Variants in KLF8 observed in about 807,000 individuals in gnomAD.
KLF8 encodes the protein KLF transcription factor 8.
KLF8 carries 10 observed loss-of-function variants against 18.2 expected under a neutral mutation model. That is an observed-to-expected ratio of 0.55 (90% CI 0.34 to 0.93). The LOEUF (loss-of-function observed/expected upper bound fraction) is 0.93. Among genes scored for constraint, KLF8 ranks in the 40% least tolerant of loss-of-function variants. The probability of loss-of-function intolerance (pLI) is 0.02; values close to 1 mark genes in which losing one functional copy is unlikely to be tolerated. For synonymous variants in KLF8, 109 were observed against 97.3 expected (o/e 1.12, Z -0.71); for missense variants, 264 against 277.9 (o/e 0.95, Z 0.36).
the KLF8 span, among the ~76,000 whole-genome samples, chrX:56,158,898 C>G: frequency 9.0e-6 from 1 of 111,267 alleles, no homozygotes; most frequent in African/African-American, 3.3e-5. Context: ...TGCCTGATTG[C>G]CCTGGCCAGA....
At chrX:55,919,126 G>T in the KLF8 span, among the ~76,000 whole-genome samples, 1 of 112,041 alleles carries the variant, frequency 8.9e-6, no homozygotes, top group Admixed American at 9.4e-5. Context: ...GCGTAAGGAA[G>T]GATGAGACTC....
chrX:56,153,956 C>G, the KLF8 span, among the ~76,000 whole-genome samples: 4 of 111,636 alleles, frequency 3.6e-5, no homozygotes, highest in Middle Eastern at 4.6e-3. Context: ...GAAGAACATT[C>G]CATGCTCATG....
the KLF8 span, among the ~76,000 whole-genome samples, chrX:56,021,006 T>C: frequency 8.9e-6 from 1 of 112,322 alleles, no homozygotes; most frequent in African/African-American, 3.2e-5. Flanking sequence ...TCTGATTTGC[T>C]GATATTTATT....
chrX:55,980,811 G>A, the KLF8 span, among the ~76,000 whole-genome samples: 1 of 112,180 alleles, frequency 8.9e-6, no homozygotes, highest in Non-Finnish European at 1.9e-5. Flanking sequence ...TAATAAGTGT[G>A]CGAACTGTTA....
At chrX:56,073,230 G>A in the KLF8 span, among the ~76,000 whole-genome samples, 1 of 111,237 alleles carries the variant, frequency 9.0e-6, no homozygotes, top group Middle Eastern at 4.6e-3. Context: ...CTCGTGATCC[G>A]ACCGCCTCAG....
chrX:55,938,615 G>A, the KLF8 span, among the ~76,000 whole-genome samples: 2 of 111,016 alleles, frequency 1.8e-5, no homozygotes, highest in South Asian at 3.9e-4. Context: ...TCAGTGTGCT[G>A]TATTCAGGAA....
the KLF8 span, among the ~76,000 whole-genome samples, chrX:56,075,996 C>A: frequency 7.8e-5 from 3 of 38,595 alleles, no homozygotes; most frequent in Non-Finnish European, 1.5e-4. Flanking sequence ...GTGTGATGTT[C>A]CCCTTCCTAT....
intron 1 of KLF8, among the ~76,000 whole-genome samples, chrX:56,248,180 G>C (rs1156755178): frequency 1.8e-5 from 2 of 110,159 alleles, no homozygotes; most frequent in Non-Finnish European, 3.8e-5. Context: ...GAGAGCGGAG[G>C]GATAGCATTA....
At chrX:56,202,635 G>A in the KLF8 span, among the ~76,000 whole-genome samples, 1 of 95,063 alleles carries the variant, frequency 1.1e-5, no homozygotes, top group African/African-American at 3.9e-5. Context: ...GTGTCTATGA[G>A]TTTCATTGTT....
chrX:56,050,781 G>A, the KLF8 span, among the ~76,000 whole-genome samples: 43 of 111,287 alleles, frequency 3.9e-4, no homozygotes, highest in East Asian at 3.9e-3. Context: ...ATGTCTATTA[G>A]GTCCGCTTGG....
upstream of KLF8, among the ~76,000 whole-genome samples, chrX:56,230,928 G>A (rs2066395998): frequency 9.0e-6 from 1 of 111,013 alleles, no homozygotes; most frequent in Non-Finnish European, 1.9e-5. Flanking sequence ...GTAAGGAGGG[G>A]AGATGACCTT....
At chrX:56,177,275 GT>G in the KLF8 span, among the ~76,000 whole-genome samples, 1 of 110,519 alleles carries the variant, frequency 9.0e-6, no homozygotes, top group Non-Finnish European at 1.9e-5. Flanking sequence ...TACAGATGGG[GT>G]TTTGTTGTGG....
chrX:56,058,001 G>A, the KLF8 span, among the ~76,000 whole-genome samples: 404 of 104,465 alleles, frequency 3.9e-3, no homozygotes, highest in African/African-American at 0.014. Flanking sequence ...GCATTCTTCT[G>A]GAGTTACTGG....
the KLF8 span, among the ~76,000 whole-genome samples, chrX:56,162,363 G>A: frequency 3.1e-3 from 349 of 112,052 alleles, no homozygotes; most frequent in African/African-American, 0.011. Flanking sequence ...GCCCTGCCCC[G>A]GTGCTGTAGT....
intron 5 of KLF8, among the ~76,000 whole-genome samples, chrX:56,280,752 G>A (rs1222476758): frequency 1.8e-5 from 2 of 111,746 alleles, no homozygotes; most frequent in Non-Finnish European, 3.8e-5. Flanking sequence ...ATAGTATCCA[G>A]CATATAGTGA....
chrX:55,941,582 C>A, the KLF8 span, among the ~76,000 whole-genome samples: 1 of 111,683 alleles, frequency 9.0e-6, no homozygotes, highest in African/African-American at 3.3e-5. Context: ...AGTGAACAGG[C>A]AACCTACAGA....
intron 2 of KLF8, among the ~76,000 whole-genome samples, chrX:56,255,160 A>C (rs911928344): frequency 2.7e-5 from 3 of 112,481 alleles, no homozygotes; most frequent in Non-Finnish European, 5.6e-5. Context: ...GTAGGTATTT[A>C]ATTTTATGTG....
the KLF8 span, among the ~76,000 whole-genome samples, chrX:56,107,629 G>A: frequency 7.2e-5 from 8 of 111,420 alleles, no homozygotes; most frequent in Non-Finnish European, 1.5e-4. Flanking sequence ...AGTCTGTCAC[G>A]GAGTCCCTTG....
chrX:56,052,613 C>G, the KLF8 span, among the ~76,000 whole-genome samples: 6 of 111,970 alleles, frequency 5.4e-5, no homozygotes, highest in Non-Finnish European at 7.5e-5. Context: ...CTTGAGGAAG[C>G]AGTCTCCCCA....
Sources: allele counts gnomAD v4.1 joint callset (sites outside exome capture counted in the v4.1 genomes callset), GRCh38; gene constraint gnomAD v4.1.1; transcripts MANE v1.5; gene names NCBI Gene and HGNC (gene_info 2026-07-23, HGNC 2026-07-21).